Variants in TTC7A observed in about 807,000 individuals in gnomAD.
TTC7A encodes the protein tetratricopeptide repeat domain 7A, also known as tetratricopeptide repeat protein 7A.
In TTC7A, 110 loss-of-function variants were observed where a neutral mutation model predicts 103.7. That is an observed-to-expected ratio of 1.06 (90% confidence interval 0.91 to 1.24). The LOEUF is 1.24. Among genes scored for constraint, TTC7A ranks in the 50% most tolerant of loss-of-function variants. The probability of loss-of-function intolerance (pLI) is 0.00; values close to 1 mark genes in which losing one functional copy is unlikely to be tolerated. For synonymous variants in TTC7A, 521 were observed against 467.9 expected, an observed-to-expected ratio of 1.11 and a Z score of -1.47; for missense variants, 1,340 against 1,116.3, an observed-to-expected ratio of 1.20 and a Z score of -2.86.
At chr2:47,049,541 A>G (rs756279805) in intron 16 of TTC7A, among the ~76,000 whole-genome samples, 9 of 151,860 alleles carry the variant, frequency 5.9e-5, no homozygotes, top group African/African-American at 1.2e-4. Flanking sequence ...CCCTTTTTCC[A>G]TAGGGGTTTG....
chr2:47,071,520 C>G (rs535632931), intron 19 of TTC7A, among the ~76,000 whole-genome samples: 2 of 152,316 alleles, frequency 1.3e-5, no homozygotes, highest in African/African-American at 2.4e-5. Context: ...TTGCAGAATC[C>G]TCACAAGAGC....
chr2:47,067,079 A>C (rs1028367795), intron 19 of TTC7A, among the ~76,000 whole-genome samples: 3 of 152,176 alleles, frequency 2.0e-5, no homozygotes, highest in African/African-American at 7.2e-5. Context: ...AACAGCATCA[A>C]TCCATTCAGG....
intron 5 of TTC7A, among the ~76,000 whole-genome samples, chr2:46,987,228 C>A (rs549398244): frequency 6.6e-6 from 1 of 152,206 alleles, no homozygotes; most frequent in Non-Finnish European, 1.5e-5. Context: ...CCAGGCAGTT[C>A]GGCCACCTGG....
chr2:47,052,099 A>T, intron 18 of TTC7A, among the ~76,000 whole-genome samples: 1 of 152,128 alleles, frequency 6.6e-6, no homozygotes, highest in East Asian at 1.9e-4. Flanking sequence ...GCAAGCCCAA[A>T]CGTGAGAGGA....
intron 5 of TTC7A, among the ~76,000 whole-genome samples, chr2:46,988,460 C>T (rs1176582401): frequency 3.3e-5 from 5 of 152,256 alleles, no homozygotes; most frequent in African/African-American, 9.6e-5. Context: ...GGTAACCTTT[C>T]ATACACAGTT....
chr2:47,048,547 A>G (rs139192507), intron 16 of TTC7A, among the ~76,000 whole-genome samples: 137 of 152,286 alleles, frequency 9.0e-4, no homozygotes, highest in African/African-American at 3.1e-3. Context: ...AAGGGTCACA[A>G]AGCTGAGAAA....
chr2:46,920,867 CAG>C (rs1054282921), intron 2 of TTC7A, among the ~76,000 whole-genome samples: 1 of 151,654 alleles, frequency 6.6e-6, no homozygotes, highest in Non-Finnish European at 1.5e-5. Flanking sequence ...TACAAAACTT[CAG>C]AGTTATTTTC....
At chr2:46,990,360 G>C (rs1009027186) in intron 5 of TTC7A, among the ~76,000 whole-genome samples, 2 of 152,148 alleles carry the variant, frequency 1.3e-5, no homozygotes, top group Admixed American at 6.5e-5. Context: ...AGCTTCTTGT[G>C]GGGGGCCCGG....
At chr2:47,019,388 C>G (rs1299861952) in intron 11 of TTC7A, among the ~76,000 whole-genome samples, 1 of 151,776 alleles carries the variant, frequency 6.6e-6, no homozygotes, top group Non-Finnish European at 1.5e-5. Context: ...AAAAAAAACA[C>G]ACACAAAAAG....
intron 8 of TTC7A, among the ~76,000 whole-genome samples, chr2:47,005,317 A>G (rs951272163): frequency 6.6e-6 from 1 of 151,998 alleles, no homozygotes; most frequent in South Asian, 2.1e-4. Flanking sequence ...CCACAGCCCA[A>G]CCTCCCCACC....
chr2:46,978,896 C>T lies in TTC7A; in HGVS notation c.753C>T (p.Asn251=). 1 of 1,613,566 alleles carries T rather than the reference C, an allele frequency of 6.2e-7. No individual in the cohort carries two copies. The highest frequency in any genetic ancestry group is 8.5e-7 in the Non-Finnish European group (1 of 1,179,510). Reference sequence around the variant, plus strand: ...CCCTCCAGAGCGCCTATGTGAAAAACCTGAAGAAGGGGTAGGTCACTGGTA... The same window carrying T: ...CCCTCCAGAGCGCCTATGTGAAAAATCTGAAGAAGGGGTAGGTCACTGGTA... ...EAALQSAYVK[N]LKKGNIVKGM... The change falls in exon 5 of 20, where the codon AAC becomes AAT. Residue 251 remains asparagine (N), a synonymous_variant. Coordinates refer to ENST00000319190, the MANE Select transcript of TTC7A (RefSeq NM_020458.4).
At chr2:47,047,254 G>A (rs1682418330) in intron 16 of TTC7A, 1 of 1,528,734 alleles carries the variant, frequency 6.5e-7, no homozygotes, top group Non-Finnish European at 8.9e-7. Context: ...GTGTATATTT[G>A]TGTTTTCACA....
intron 16 of TTC7A, chr2:47,047,207 G>A (rs1244360113): frequency 3.2e-6 from 3 of 938,676 alleles, no homozygotes; most frequent in Non-Finnish European, 3.3e-6. Flanking sequence ...ATAGCTGGCT[G>A]TGTCATCTCC....
chr2:46,994,242 G>A lies in TTC7A; in HGVS notation c.844-115G>A, dbSNP rs576270812. On this transcript the variant is annotated intron_variant, in intron 6 of 19. Coordinates refer to ENST00000319190, the MANE Select transcript of TTC7A (RefSeq NM_020458.4). ...AGTGGGGTTGGGGAGTTTACCCAAA[G>A]GGCCGCACATTGCAAGCGGGGCAGA... 62 of 1,304,274 alleles carry A rather than the reference G, an allele frequency of 4.8e-5. No homozygotes were observed. The African/African-American group carries it at 8.3e-4, about 17-fold the overall frequency. 80.8% of individuals were successfully genotyped at this position (1,304,274 alleles called of 1,614,324 possible).
Position 47,073,999 on chromosome 2 carries a change from C to A in TTC7A, c.*76C>A. On this transcript the variant is annotated 3_prime_UTR_variant, in exon 20 of 20. Transcript: ENST00000319190. Reference sequence around the variant, plus strand: ...GGGAACGTGGGTCAGGGTGGGGCAACAGTGGCATCAGGTGCGGGGCCTCAG... The same window carrying A: ...GGGAACGTGGGTCAGGGTGGGGCAAAAGTGGCATCAGGTGCGGGGCCTCAG... 2 of 1,184,432 alleles carry A rather than the reference C, an allele frequency of 1.7e-6. No homozygotes were observed. The highest frequency in any genetic ancestry group is 2.4e-6 in the Non-Finnish European group (2 of 829,764). The allele number at this position is 1,184,432 out of a possible 1,614,324, so 73.4% of individuals were successfully genotyped here. A position where few individuals can be genotyped will look rare whatever the true frequency, so the allele number is the denominator to read the frequency against.
chr2:47,046,840 G>A (rs1327981907), intron 16 of TTC7A: 2 of 236,032 alleles, frequency 8.5e-6, no homozygotes, highest in Non-Finnish European at 1.6e-5. Context: ...CTGGTAAGTG[G>A]TAGTGCTGGG....
At chr2:46,987,787 G>A (rs1458025807) in intron 5 of TTC7A, among the ~76,000 whole-genome samples, 1 of 151,598 alleles carries the variant, frequency 6.6e-6, no homozygotes, top group African/African-American at 2.4e-5. Flanking sequence ...TCAGGCCGGT[G>A]AAAGCACTGT....
chr2:47,069,583 T>G (rs1394539092), intron 19 of TTC7A, among the ~76,000 whole-genome samples: 1 of 152,274 alleles, frequency 6.6e-6, no homozygotes, highest in South Asian at 2.1e-4. Flanking sequence ...TAGGACCCTG[T>G]GGCTTTGGAG....
intron 15 of TTC7A, among the ~76,000 whole-genome samples, chr2:47,037,153 C>T (rs1681205651): frequency 6.6e-6 from 1 of 152,206 alleles, no homozygotes; most frequent in Non-Finnish European, 1.5e-5. Flanking sequence ...AGCCCCTGTA[C>T]TTCAAAGCTG....
Sources: allele counts gnomAD v4.1 joint callset (sites outside exome capture counted in the v4.1 genomes callset), GRCh38; gene constraint gnomAD v4.1.1; transcripts MANE v1.5; gene names NCBI Gene and HGNC (gene_info 2026-07-23, HGNC 2026-07-21).